The following MGST1 variants were observed in gnomAD, a reference collection of about 807,000 sequenced individuals.
MGST1 encodes the protein glutathione S-transferase 12.
A neutral mutation model predicts 8.9 loss-of-function variants in MGST1; 5 were observed. The observed-to-expected ratio is 0.56, with a 90% CI of 0.29 to 1.19. MGST1 has a LOEUF of 1.19. MGST1 is among the 50% of genes most tolerant of loss of function. The pLI, the probability that MGST1 is intolerant of heterozygous loss-of-function variation, is 0.08. For missense variants in MGST1, 182 were observed against 187.4 expected, an observed-to-expected ratio of 0.97 and a Z score of 0.17; for synonymous variants, 54 against 67.8, an observed-to-expected ratio of 0.80 and a Z score of 1.00.
downstream of MGST1, among the ~76,000 whole-genome samples, chr12:16,381,950 T>C (rs1318088991): frequency 6.6e-6 from 1 of 152,366 alleles, no homozygotes; most frequent in East Asian, 1.9e-4. Flanking sequence ...GCTTCTGCAT[T>C]CTTCACATAG....
At chr12:16,409,325 C>T (rs1940721949) in intron 1 of MGST1, among the ~76,000 whole-genome samples, 1 of 151,892 alleles carries the variant, frequency 6.6e-6, no homozygotes, top group Admixed American at 6.6e-5. Context: ...CATATCCACA[C>T]ACACACCTAT....
Position 16,363,145 on chromosome 12 carries a change from G to A in MGST1, c.222-650G>A, listed in dbSNP as rs1376740135. On this transcript the variant is annotated intron_variant, in intron 3 of 3. Transcript: ENST00000396210. This position sits in a 1 kb window ranked among gnomAD's most constrained non-coding sequence, Gnocchi z 4.6. ...CTCTCTTTCACCTATCCTACTTTTT[G>A]TGTGTCCTTTGTAGTTTTGCACCAT... 3 of 152,076 alleles carry A rather than the reference G, an allele frequency of 2.0e-5. No homozygotes were observed. The highest frequency in any genetic ancestry group is 4.4e-5 in the Non-Finnish European group (3 of 68,006). The allele number at this position is 152,076 out of a possible 1,614,324, so 9.4% of individuals were successfully genotyped here. A position where few individuals can be genotyped will look rare whatever the true frequency, so the allele number is the denominator to read the frequency against.
Position 16,544,669 on chromosome 12 carries a change from G to A in MGST1, n.483-44859G>A, listed in dbSNP as rs1258601353. Among the ~76,000 whole-genome samples, 2 of 152,036 alleles carry A rather than the reference G, an allele frequency of 1.3e-5. No individual in the cohort carries two copies. The highest frequency in any genetic ancestry group is 2.9e-5 in the Non-Finnish European group (2 of 67,952). ...TACATAGGTTCAAGTCCTTATTTCTGAGGGGACAAAAATATCAAAATAATC... is the reference window on the plus strand; with the variant it reads ...TACATAGGTTCAAGTCCTTATTTCTAAGGGGACAAAAATATCAAAATAATC... On this transcript the variant is annotated intron_variant and non_coding_transcript_variant, in intron 4 of 4. Transcript: ENST00000538857. This position sits in a 1 kb window ranked among gnomAD's most constrained non-coding sequence, Gnocchi z 4.8.
At chr12:16,357,805 C>T in intron 3 of MGST1, 106 bp downstream of exon 3, 2 of 739,856 alleles carry the variant, frequency 2.7e-6, no homozygotes, top group Non-Finnish European at 2.2e-6. Context: ...AAAGTGAGAC[C>T]TCTTACCTAC....
At chr12:16,515,180 G>A (rs1010827792) in intron 4 of MGST1, among the ~76,000 whole-genome samples, 27 of 152,126 alleles carry the variant, frequency 1.8e-4, no homozygotes, top group African/African-American at 6.5e-4. Context: ...TGAGTCTGCT[G>A]CCACTACAGC....
At chr12:16,383,004 A>G (rs1376998152) in exon 1 of MGST1, 3 of 152,368 alleles carry the variant, frequency 2.0e-5, no homozygotes, top group Non-Finnish European at 4.4e-5. Context: ...AAAGCACAGT[A>G]TTAGAGTGGG....
At chr12:16,452,724 T>C (rs1941139800) in intron 4 of MGST1, among the ~76,000 whole-genome samples, 1 of 151,880 alleles carries the variant, frequency 6.6e-6, no homozygotes. Context: ...ATGGTAAACT[T>C]ATTTAAACTA....
intron 3 of MGST1, among the ~76,000 whole-genome samples, chr12:16,375,396 A>G (rs1940361838): frequency 6.6e-6 from 1 of 152,190 alleles, no homozygotes; most frequent in Admixed American, 6.5e-5. Flanking sequence ...ATTGAAAGTA[A>G]AAAGAAACAA....
intron 1 of MGST1, among the ~76,000 whole-genome samples, chr12:16,434,494 G>C (rs1454564204): frequency 6.6e-6 from 1 of 151,296 alleles, no homozygotes; most frequent in Non-Finnish European, 1.5e-5. Flanking sequence ...GCTTCAACTA[G>C]ATTTGGCTAG....
intron 1 of MGST1, among the ~76,000 whole-genome samples, chr12:16,392,457 T>G (rs754319947): frequency 6.6e-6 from 1 of 152,340 alleles, no homozygotes; most frequent in East Asian, 1.9e-4. Flanking sequence ...ATCAAATTTC[T>G]TTATCTGTAA....
chr12:16,473,435 A>G (rs1941300718), intron 4 of MGST1, among the ~76,000 whole-genome samples: 1 of 152,204 alleles, frequency 6.6e-6, no homozygotes, highest in Admixed American at 6.5e-5. Context: ...ATATCTCACC[A>G]CCCACTCTGG....
chr12:16,479,693 A>G (rs940629773), intron 4 of MGST1, among the ~76,000 whole-genome samples: 2 of 151,724 alleles, frequency 1.3e-5, no homozygotes, highest in African/African-American at 4.8e-5. Context: ...GCCATCGTAC[A>G]TGATTAATTT....
intron 4 of MGST1, among the ~76,000 whole-genome samples, chr12:16,574,299 A>T (rs770553495): frequency 3.3e-5 from 5 of 152,188 alleles, no homozygotes; most frequent in Middle Eastern, 3.2e-3. Context: ...TTGCAGATGC[A>T]GGATGTCTGA....
chr12:16,366,118 T>G (rs1940183583), downstream of MGST1, among the ~76,000 whole-genome samples: 1 of 152,182 alleles, frequency 6.6e-6, no homozygotes, highest in South Asian at 2.1e-4. This position sits in a 1 kb window ranked among gnomAD's most constrained non-coding sequence, Gnocchi z 4.0. Context: ...ATATTTGATA[T>G]TCATTAGTAG....
chr12:16,588,704 C>G (rs980190169), intron 4 of MGST1, among the ~76,000 whole-genome samples: 12 of 152,064 alleles, frequency 7.9e-5, no homozygotes, highest in African/African-American at 2.9e-4. Context: ...GCCTAAAGTG[C>G]ACATATTTAG....
chr12:16,515,721 G>A (rs1941609389), intron 4 of MGST1, among the ~76,000 whole-genome samples: 1 of 152,054 alleles, frequency 6.6e-6, no homozygotes, highest in Non-Finnish European at 1.5e-5. Flanking sequence ...GAATAGTGGA[G>A]AGTAGGTAAC....
intron 4 of MGST1, among the ~76,000 whole-genome samples, chr12:16,533,255 T>G (rs1299931793): frequency 1.3e-5 from 2 of 152,184 alleles, no homozygotes; most frequent in African/African-American, 4.8e-5. Flanking sequence ...TTAATATTCA[T>G]GTGTCGGGGA....
At chr12:16,440,945 G>A (rs1413302397), downstream of MGST1, among the ~76,000 whole-genome samples, 2 of 151,620 alleles carry the variant, frequency 1.3e-5, no homozygotes, top group Non-Finnish European at 2.9e-5. Flanking sequence ...ACTATAGATT[G>A]AATTTGCTTT....
chr12:16,492,633 A>T (rs1367947292), intron 4 of MGST1, among the ~76,000 whole-genome samples: 1 of 152,152 alleles, frequency 6.6e-6, no homozygotes, highest in Non-Finnish European at 1.5e-5. Context: ...TTCTGGAGTG[A>T]TAATACTGTC....
Sources: allele counts gnomAD v4.1 joint callset (sites outside exome capture counted in the v4.1 genomes callset), GRCh38; gene constraint gnomAD v4.1.1; non-coding constraint Gnocchi (gnomAD v3.1); transcripts MANE v1.5; gene names NCBI Gene and HGNC (gene_info 2026-07-23, HGNC 2026-07-21).